CEACAM16: variants seen among roughly 807,000 people sequenced by gnomAD.
The protein encoded by CEACAM16 is cell adhesion molecule CEACAM16.
CEACAM16 carries 30 observed loss-of-function variants against 39.4 expected under a neutral mutation model. That is an observed-to-expected ratio of 0.76 (90% confidence interval 0.57 to 1.03). The LOEUF is 1.03. Among genes scored for constraint, CEACAM16 ranks in the 50% least tolerant of loss-of-function variants. The probability of loss-of-function intolerance (pLI) is 0.00; values close to 1 mark genes in which losing one functional copy is unlikely to be tolerated. For synonymous variants in CEACAM16, 262 were observed against 264.9 expected, an observed-to-expected ratio of 0.99 and a Z score of 0.11; for missense variants, 521 against 585.3, an observed-to-expected ratio of 0.89 and a Z score of 1.13.
At chr19:44,700,210 T>A (rs1337239612) in intron 1 of CEACAM16, among the ~76,000 whole-genome samples, 1 of 152,092 alleles carries the variant, frequency 6.6e-6, no homozygotes, top group Non-Finnish European at 1.5e-5. Context: ...TTTCACCATA[T>A]TGGCCAGGCT....
Position 44,705,463 on chromosome 19 carries a change from C to CT in CEACAM16, c.662-120dup, listed in dbSNP as rs547324267. 243 of 930,192 alleles carry CT rather than the reference C, an allele frequency of 2.6e-4. No homozygotes were observed. The African/African-American group carries it at 3.5e-3, about 13-fold the overall frequency. The allele number at this position is 930,192 out of a possible 1,614,324, so 57.6% of individuals were successfully genotyped here. On this transcript the variant is annotated intron_variant, in intron 4 of 6. Transcript: ENST00000587331. ...GAACAAGTTAGAGTTAAGGCCAGAG[C>CT]TTTTTTTCCCCTCCACTAGGCCAAG...
In CEACAM16 at chr19:44,701,202, G is replaced by C. The variant is rs1278013643; in HGVS notation, c.-96-159G>C. 6.6e-6 allele frequency among the ~76,000 whole-genome samples: 1 copy of C among 152,178 alleles called. No individual in the cohort carries two copies. Among genetic ancestry groups the C allele is most frequent in the African/African-American group, 2.4e-5 (1 of 41,430 alleles). On this transcript the variant is annotated intron_variant, in intron 1 of 6. Coordinates refer to ENST00000587331, the MANE Select transcript of CEACAM16 (RefSeq NM_001039213.4). This position sits in a 1 kb window ranked among gnomAD's most constrained non-coding sequence, Gnocchi z 4.0. ...AAATCCAGGCCCTCGGCACAAAGAG[G>C]GTTAGGCGGCTGCCCCAGGAGGCCT...
Position 44,704,267 on chromosome 19 carries a change from G to T in CEACAM16, c.632G>T (p.Arg211Leu). 2 of 1,528,640 alleles carry T rather than the reference G, an allele frequency of 1.3e-6. No individual in the cohort carries two copies. Among genetic ancestry groups the T allele is most frequent in the Non-Finnish European group, 1.8e-6 (2 of 1,134,900 alleles). The allele number at this position is 1,528,640 out of a possible 1,614,324, so 94.7% of individuals were successfully genotyped here. ...CEVWNPVSVS[R>L]SEPINLTVYF... is the part of the protein sequence containing the mutation. ...GTGTGGAACCCGGTCAGTGTCAGCCGCAGCGAGCCCATCAACCTGACCGTG... is the reference window on the plus strand; with the variant it reads ...GTGTGGAACCCGGTCAGTGTCAGCCTCAGCGAGCCCATCAACCTGACCGTG... Residue 211 changes from arginine (R) to leucine (L), a missense_variant, in exon 4 of 7, where the codon CGC becomes CTC. Transcript: ENST00000587331.
chr19:44,701,511 C>A lies in CEACAM16; in HGVS notation c.37+18C>A, dbSNP rs1364898918. On this transcript the variant is annotated intron_variant, in intron 2 of 6. Transcript: ENST00000587331. This position sits in a 1 kb window ranked among gnomAD's most constrained non-coding sequence, Gnocchi z 4.0. Reference sequence around the variant, plus strand: ...CCTCAGTGGTGAGCGAGAATGGCACCCCCCAGCACCTCAGCCCCCCGAGGA... The same window carrying A: ...CCTCAGTGGTGAGCGAGAATGGCACACCCCAGCACCTCAGCCCCCCGAGGA... 2.6e-6 allele frequency: 4 copies of A among 1,559,234 alleles called. No homozygotes were observed. The highest frequency in any genetic ancestry group is 3.5e-6 in the Non-Finnish European group (4 of 1,151,326).
At position 44,701,347 on chromosome 19, in the gene CEACAM16, C is replaced by A; in HGVS notation, c.-96-14C>A. ...GGTGATCTCCCCTGGCTCCAAATCA[C>A]CAAACCCTCCCAGGTCCTGCGGCAG... On this transcript the variant is annotated splice_polypyrimidine_tract_variant and intron_variant, in intron 1 of 6. Transcript: ENST00000587331. The surrounding 1 kb of genome is among the most constrained non-coding windows in gnomAD (Gnocchi z 4.0). The A allele has an allele frequency of 8.1e-7, 1 of 1,231,094 alleles. No individual in the cohort carries two copies. Among genetic ancestry groups the A allele is most frequent in the Non-Finnish European group, 1.2e-6 (1 of 855,482 alleles). The allele number at this position is 1,231,094 out of a possible 1,614,324, so 76.3% of individuals were successfully genotyped here. A position where few individuals can be genotyped will look rare whatever the true frequency, so the allele number is the denominator to read the frequency against.
chr19:44,707,758 A>C (rs1307519895), intron 5 of CEACAM16, 103 bp from the exon 6 acceptor site: 3 of 1,019,374 alleles, frequency 2.9e-6, no homozygotes, highest in Non-Finnish European at 4.2e-6. Context: ...AGCACCCTAC[A>C]TGGGGAGTGC....
At position 44,710,631 on chromosome 19, in the gene CEACAM16, C is replaced by G; in HGVS notation, c.*125C>G. The stretch of plus-strand genomic sequence containing the variant: ...GGCTGTGGTCCTGCTGTTCTCCTGC[C>G]TCCACCCTAGAGCTAGAGCCACAGG... On this transcript the variant is annotated 3_prime_UTR_variant, in exon 7 of 7. Coordinates refer to ENST00000587331, the MANE Select transcript of CEACAM16 (RefSeq NM_001039213.4). 1 of 1,395,558 alleles carries G rather than the reference C, an allele frequency of 7.2e-7. No individual in the cohort carries two copies. Among genetic ancestry groups the G allele is most frequent in the Non-Finnish European group, 1.0e-6 (1 of 988,850 alleles). The allele number at this position is 1,395,558 out of a possible 1,614,324, so 86.4% of individuals were successfully genotyped here.
rs753704465 is a variant in CEACAM16, at chr19:44,708,207, C to A, written c.1267+20C>A. On this transcript the variant is annotated intron_variant, in intron 6 of 6. Transcript: ENST00000587331. ...TGGCCCGTGAGTGTGTGGGAAGGGG[C>A]AAGGCGTGCCCCTTTTTAGACAAGG... 2 of 1,520,910 alleles carry A rather than the reference C, an allele frequency of 1.3e-6. No individual in the cohort carries two copies. The highest frequency in any genetic ancestry group is 1.8e-6 in the Non-Finnish European group (2 of 1,123,832). 94.2% of individuals were successfully genotyped at this position (1,520,910 alleles called of 1,614,324 possible).
intron 4 of CEACAM16, 47 bp downstream of exon 4, chr19:44,704,343 T>C (rs999156412): frequency 1.4e-6 from 2 of 1,443,752 alleles, no homozygotes; most frequent in African/African-American, 2.8e-5. Context: ...CCAAACCTCA[T>C]GGATGGGGAA....
At chr19:44,705,898 A>G in intron 5 of CEACAM16, 30 bp downstream of exon 5, 1 of 1,595,866 alleles carries the variant, frequency 6.3e-7, no homozygotes, top group Non-Finnish European at 8.6e-7. Context: ...ACCACCCCCC[A>G]GTCCCCATGG....
chr19:44,703,203 C>T, intron 2 of CEACAM16, 146 bp from the exon 3 acceptor site: 1 of 640,802 alleles, frequency 1.6e-6, no homozygotes, highest in Non-Finnish European at 2.6e-6. Context: ...GTCAGAGTTG[C>T]AGGTTCAAAT....
chr19:44,700,460 G>A (rs1169606478), intron 1 of CEACAM16, among the ~76,000 whole-genome samples: 2 of 151,812 alleles, frequency 1.3e-5, no homozygotes, highest in Non-Finnish European at 2.9e-5. Flanking sequence ...ATTATTTTTA[G>A]TAGAGATGGG....
chr19:44,708,722 A>G (rs1311855969), intron 6 of CEACAM16, among the ~76,000 whole-genome samples: 1 of 152,152 alleles, frequency 6.6e-6, no homozygotes, highest in Non-Finnish European at 1.5e-5. Context: ...CAAAGTTTCT[A>G]TCATCAGATG....
At chr19:44,699,856 T>C (rs1486078868) in intron 1 of CEACAM16, among the ~76,000 whole-genome samples, 1 of 152,130 alleles carries the variant, frequency 6.6e-6, no homozygotes, top group Non-Finnish European at 1.5e-5. Flanking sequence ...AATGGAGTCT[T>C]GCTCTGTCAC....
Position 44,703,586 on chromosome 19 carries a change from GCCTGGACATCCAGGGCAT to G in CEACAM16, c.280_297del (p.Asp94_Leu99del). 1.2e-6 allele frequency: 2 copies of G among 1,609,650 alleles called. No individual in the cohort carries two copies. Reference sequence around the variant, plus strand: ...CGGGAGGCTGTGCGCCCCGATGGCAGCCTGGACATCCAGGGCATCCTGCCCCGGCACTCAGGCACCTAC... The same window carrying G: ...CGGGAGGCTGTGCGCCCCGATGGCAGCCTGCCCCGGCACTCAGGCACCTAC... On this transcript the variant is annotated inframe_deletion, in exon 3 of 7. Coordinates refer to ENST00000587331, the MANE Select transcript of CEACAM16 (RefSeq NM_001039213.4).
rs755154488 is a variant in CEACAM16 at position 44,708,106 on chromosome 19, A to G, written c.1186A>G (p.Thr396Ala). Residue 396 changes from threonine to alanine, a missense_variant, in exon 6 of 7, where the codon ACA (threonine) becomes GCA (alanine). Coordinates refer to ENST00000587331, the MANE Select transcript of CEACAM16 (RefSeq NM_001039213.4). ...GCTGTTGGTGCAGAAGCTGAACCTC[A>G]CAGACACTGGCCGCTACACACTCAA... ...CSLLVQKLNL[T>A]DTGRYTLKTV... 15 of 1,610,804 alleles carry G rather than the reference A, an allele frequency of 9.3e-6. No homozygotes were observed. Among genetic ancestry groups the G allele is most frequent in the Non-Finnish European group, 1.1e-5 (13 of 1,178,700 alleles).
intron 1 of CEACAM16, 110 bp downstream of exon 1, chr19:44,699,370 G>T (rs2119660): frequency 0.072 from 36,097 of 498,622 alleles, 1,931 homozygotes; most frequent in African/African-American, 0.2. Context: ...GCTTGGCAGA[G>T]TCCATAAATT....
chr19:44,699,942 C>T (rs1974318544), intron 1 of CEACAM16, among the ~76,000 whole-genome samples: 1 of 152,170 alleles, frequency 6.6e-6, no homozygotes, highest in South Asian at 2.1e-4. Context: ...TCTCCTACCT[C>T]AGCCTCCCTA....
intron 5 of CEACAM16, among the ~76,000 whole-genome samples, chr19:44,707,155 T>A (rs573314454): frequency 6.6e-6 from 1 of 152,168 alleles, no homozygotes; most frequent in Admixed American, 6.5e-5. Context: ...ATGGCCCTGT[T>A]TTTTGAGCAT....
Sources: gnomAD v4.1 joint callset for allele counts (sites outside exome capture counted in the v4.1 genomes callset) on GRCh38, gnomAD v4.1.1 for gene constraint, Gnocchi (gnomAD v3.1) non-coding constraint, MANE v1.5 for transcripts, NCBI Gene and HGNC (gene_info 2026-07-23, HGNC 2026-07-21) for gene names.